Variants in LILRB2 observed in about 807,000 individuals in gnomAD.
LILRB2 encodes the protein leukocyte immunoglobulin-like receptor subfamily B member 2.
Under a neutral mutation model 72.7 loss-of-function variants are expected in LILRB2, and 47 were observed. The observed-to-expected ratio is 0.65, with a 90% CI of 0.51 to 0.82. The LOEUF (loss-of-function observed/expected upper bound fraction) is 0.82, where lower values mean the gene tolerates loss of function less well. Ranked by LOEUF, LILRB2 falls within the 40% of genes least tolerant of loss-of-function variation. The pLI, the probability that LILRB2 is intolerant of heterozygous loss-of-function variation, is 0.00. For missense variants in LILRB2, 767 were observed against 764.8 expected (o/e 1.00, Z -0.03); for synonymous variants, 279 against 313.7 (o/e 0.89, Z 1.17).
intron 13 of LILRB2, 120 bp downstream of exon 13, chr19:54,275,831 G>A: frequency 7.5e-7 from 1 of 1,329,916 alleles, no homozygotes; most frequent in Non-Finnish European, 1.1e-6. Flanking sequence ...CAGCGTGCTG[G>A]ACAAGGAGGG....
In LILRB2 at chr19:54,279,914, C is replaced by T; in HGVS notation, c.232G>A (p.Val78Met). The T allele has an allele frequency of 6.2e-7, 1 of 1,614,160 alleles. No individual in the cohort carries two copies. The highest frequency in any genetic ancestry group is 8.5e-7 in the Non-Finnish European group (1 of 1,180,022). ...GGGATGTGGAACTGGCCGTTCTTCA[C>T]AAGCTCTGGTCGTATCCGTGTAATC... ...SWITRIRPEL[V>M]KNGQFHIPSI... Residue 78 changes from valine to methionine, a missense_variant, in exon 4 of 14, where the codon GTG (valine) becomes ATG (methionine). Coordinates refer to ENST00000314446, the MANE Select transcript of LILRB2 (RefSeq NM_001080978.4).
rs763161097 is a variant in LILRB2 at position 54,276,400 on chromosome 19, C to T, written c.1537G>A (p.Asp513Asn). The T allele has an allele frequency of 1.2e-6, 2 of 1,602,850 alleles. No homozygotes were observed. Among genetic ancestry groups the T allele is most frequent in the East Asian group, 4.5e-5 (2 of 44,588 alleles). The change falls in exon 11 of 14, where the codon GAC becomes AAC. Residue 513 changes from aspartate to asparagine, a missense_variant. Transcript: ENST00000314446. ...PAGAVGPEPT[D>N]RGLQWRSSPA... Reference sequence around the variant, plus strand: ...AATTACCTCCACTGCAGGCCTCTGTCTGTGGGCTCTGGCCCCACAGCCCCT... The same window carrying T: ...AATTACCTCCACTGCAGGCCTCTGTTTGTGGGCTCTGGCCCCACAGCCCCT...
chr19:54,276,200 A>G (rs1210348099), intron 12 of LILRB2, 64 bp downstream of exon 12: 1 of 1,608,628 alleles, frequency 6.2e-7, no homozygotes, highest in Non-Finnish European at 8.5e-7. Context: ...CCCTTTCCCC[A>G]TTGCTACGGA....
Position 54,277,536 on chromosome 19 carries a change from A to C in LILRB2, c.1357+14T>G. The C allele has an allele frequency of 6.4e-7, 1 of 1,564,204 alleles. No homozygotes were observed. On this transcript the variant is annotated intron_variant, in intron 9 of 13. Coordinates refer to ENST00000314446, the MANE Select transcript of LILRB2 (RefSeq NM_001080978.4). ...GGGACCCCGCCCACCTCCCACTCAG[A>C]GCCCCTCACTCACCACTTTGGGGAT... is the stretch of plus-strand genomic sequence containing the variant.
rs1399053955 is a variant in LILRB2 at position 54,275,277 on chromosome 19, G to A, written c.1648-448C>T. 1.9e-4 allele frequency: 128 copies of A among 668,850 alleles called. 1 individual carries two copies. Among genetic ancestry groups the A allele is most frequent in the Middle Eastern group, 8.7e-4 (2 of 2,290 alleles). The allele number at this position is 668,850 out of a possible 1,614,324, so 41.4% of individuals were successfully genotyped here. A position where few individuals can be genotyped will look rare whatever the true frequency, so the allele number is the denominator to read the frequency against. On this transcript the variant is annotated intron_variant, in intron 13 of 13. Coordinates refer to ENST00000314446, the MANE Select transcript of LILRB2 (RefSeq NM_001080978.4). ...CTTGCCCATTTGGCTGCAGCCTCAT[G>A]GGCCTTCCCGCAAGAGCTCGCTGCT... is the stretch of plus-strand genomic sequence containing the variant.
In LILRB2 at chr19:54,276,001, C is replaced by T. The variant is rs367709648; in HGVS notation, c.1597G>A (p.Ala533Thr). The change falls in exon 13 of 14, where the codon GCT (alanine) becomes ACT (threonine). Residue 533 changes from alanine (A) to threonine (T), a missense_variant and splice_region_variant. Physicochemically the swap from Ala to Thr is moderately conservative, Grantham distance 58 (BLOSUM62 0). This residue lies in a region of LILRB2 where 162 missense variants were observed against 176.7 expected (regional missense o/e 0.92). Coordinates refer to ENST00000314446, the MANE Select transcript of LILRB2 (RefSeq NM_001080978.4). ...TCAGGCTGTGTGTCCTTCACGGCAGCATCTGCTGGGGCAGAGCAAGGGGTT... is the reference window on the plus strand; with the variant it reads ...TCAGGCTGTGTGTCCTTCACGGCAGTATCTGCTGGGGCAGAGCAAGGGGTT... ...AADAQEENLY[A>T]AVKDTQPEDG... is the part of the protein sequence containing the mutation. 85 of 1,614,012 alleles carry T rather than the reference C, an allele frequency of 5.3e-5. No individual in the cohort carries two copies. The highest frequency in any genetic ancestry group is 6.9e-5 in the Non-Finnish European group (82 of 1,179,974).
rs756345115 is a variant in LILRB2, at chr19:54,278,356, A to C, written c.1162T>G (p.Ser388Ala). ...QAEFPMSPVT[S>A]AHAGTYRCYG... The stretch of plus-strand genomic sequence containing the variant: ...CACCTGTAGGTCCCCGCGTGGGCTG[A>C]GGTCACAGGACTCATGGGGAATTCA... Residue 388 changes from serine (S) to alanine (A), a missense_variant, in exon 7 of 14, where the codon TCA (serine) becomes GCA (alanine). Transcript: ENST00000314446. 1 of 1,614,092 alleles carries C rather than the reference A, an allele frequency of 6.2e-7. No homozygotes were observed. Among genetic ancestry groups the C allele is most frequent in the Non-Finnish European group, 8.5e-7 (1 of 1,180,028 alleles).
Position 54,275,930 on chromosome 19 carries a change from G to A in LILRB2, c.1647+21C>T, listed in dbSNP as rs758406178. ...TGGCACCAGGAGGCCTTTGGTGCCT[G>A]GGACAGGGGCGGGGTCTCACCCGAG... On this transcript the variant is annotated intron_variant, in intron 13 of 13. Transcript: ENST00000314446. 5.6e-6 allele frequency: 9 copies of A among 1,613,876 alleles called. No homozygotes were observed. The East Asian group carries it at 1.3e-4, about 24-fold the overall frequency.
At chr19:54,276,668 A>G in intron 10 of LILRB2, 139 bp downstream of exon 10, 1 of 1,487,930 alleles carries the variant, frequency 6.7e-7, no homozygotes, top group South Asian at 1.3e-5. Flanking sequence ...GACTGACGTT[A>G]AGTGCTTTCT....
Sources: allele counts gnomAD v4.1 joint callset, GRCh38; gene constraint gnomAD v4.1.1; regional missense constraint gnomAD v4.1.1; transcripts MANE v1.5; gene names NCBI Gene and HGNC (gene_info 2026-07-23, HGNC 2026-07-21).